The following MCC variants were observed in gnomAD, a reference collection of about 807,000 sequenced individuals.
The protein encoded by MCC is MCC regulator of Wnt signaling pathway.
MCC carries 90 observed loss-of-function variants against 116.2 expected under a neutral mutation model. That is an observed-to-expected ratio of 0.77 (90% CI 0.65 to 0.92). The LOEUF (loss-of-function observed/expected upper bound fraction) is 0.92. Among genes scored for constraint, MCC ranks in the 40% least tolerant of loss-of-function variants. The pLI is 0.00. For missense variants in MCC, 1,516 were observed against 1,312.2 expected, an observed-to-expected ratio of 1.16 and a Z score of -2.40; for synonymous variants, 578 against 510.5, an observed-to-expected ratio of 1.13 and a Z score of -1.78.
chr5:113,365,912 T>G (rs548023718), intron 2 of MCC, among the ~76,000 whole-genome samples: 1 of 152,326 alleles, frequency 6.6e-6, no homozygotes, highest in South Asian at 2.1e-4. Flanking sequence ...TTGGGGATGG[T>G]GCTAAATCAC....
chr5:113,142,719 A>G (rs916081783), intron 5 of MCC, among the ~76,000 whole-genome samples: 23 of 152,216 alleles, frequency 1.5e-4, no homozygotes, highest in Non-Finnish European at 3.1e-4. Flanking sequence ...GGTAAGCTCA[A>G]AATATAATCA....
Position 113,153,525 on chromosome 5 carries a change from C to A in MCC, c.628-2103G>T, listed in dbSNP as rs186667605. On this transcript the variant is annotated intron_variant, in intron 3 of 18. Coordinates refer to ENST00000408903, the MANE Select transcript of MCC (RefSeq NM_001085377.2). ...CAGCTCTCCAGATTTCCAGGAAGAG[C>A]TGTCAGATGCCCAAGGGGGCAGGTC... is the stretch of plus-strand genomic sequence containing the variant. 2.0e-5 allele frequency among the ~76,000 whole-genome samples: 3 copies of A among 152,328 alleles called. No individual in the cohort carries two copies. In the East Asian group the frequency reaches 5.8e-4, roughly 29 times the overall value.
At chr5:113,407,521 G>C (rs935942291) in intron 1 of MCC, among the ~76,000 whole-genome samples, 2 of 152,276 alleles carry the variant, frequency 1.3e-5, no homozygotes, top group Middle Eastern at 3.4e-3. Flanking sequence ...CTCCCCTACA[G>C]CAGGCTCCAC....
chr5:113,032,001 T>C (rs994734865), intron 17 of MCC, among the ~76,000 whole-genome samples: 10 of 152,240 alleles, frequency 6.6e-5, no homozygotes, highest in African/African-American at 2.4e-4. Context: ...GATGCTCATT[T>C]ATTTAAAGAT....
At chr5:113,061,676 G>T (rs1410427956) in intron 14 of MCC, among the ~76,000 whole-genome samples, 1 of 152,182 alleles carries the variant, frequency 6.6e-6, no homozygotes, top group Non-Finnish European at 1.5e-5. Context: ...GTCGTTAGGA[G>T]CTGCCTATGG....
At chr5:113,028,866 C>A in intron 18 of MCC, 68 bp downstream of exon 18, 1 of 1,556,934 alleles carries the variant, frequency 6.4e-7, no homozygotes, top group Non-Finnish European at 8.8e-7. Context: ...GCTGTGTCTA[C>A]ATGCAGGGTG....
At position 113,146,148 on chromosome 5, in the gene MCC, T is replaced by C. The variant is rs187475913; in HGVS notation, c.742-2788A>G. ...AAAAATAGCATACAATGTAGTACTA[T>C]AATGTAATACTTCCTCTACACAGAT... On this transcript the variant is annotated intron_variant, in intron 4 of 18. Transcript: ENST00000408903. Among the ~76,000 whole-genome samples the C allele has an allele frequency of 3.2e-4, 49 of 152,312 alleles. 1 individual carries two copies. Among genetic ancestry groups the C allele is most frequent in the Non-Finnish European group, 6.8e-4 (46 of 68,030 alleles).
chr5:113,327,495 G>A (rs557530561), intron 3 of MCC, among the ~76,000 whole-genome samples: 50 of 143,204 alleles, frequency 3.5e-4, no homozygotes, highest in Admixed American at 1.1e-3. Flanking sequence ...GCAGTGAGCC[G>A]AGGTCGTGCT....
intron 3 of MCC, among the ~76,000 whole-genome samples, chr5:113,303,177 T>C (rs369375929): frequency 2.6e-5 from 4 of 152,210 alleles, no homozygotes; most frequent in African/African-American, 7.2e-5. Context: ...GTTGCATATA[T>C]GCATCTTGGG....
intron 4 of MCC, 58 bp downstream of exon 4, chr5:113,151,251 G>T: frequency 2.0e-6 from 2 of 1,017,442 alleles, no homozygotes; most frequent in South Asian, 1.5e-5. Context: ...TTTATCTTAA[G>T]ATTAAATATT....
rs143857562 is a variant in MCC at position 113,040,267 on chromosome 5, G to C, written c.2756+3263C>G. On this transcript the variant is annotated intron_variant, in intron 17 of 18. Coordinates refer to ENST00000408903, the MANE Select transcript of MCC (RefSeq NM_001085377.2). ...GAGAGAGCCAGGGCTGAGTGACAAG[G>C]GCTGGCCAGGTAAGGGGAGGTTGGG... 9.1e-3 allele frequency among the ~76,000 whole-genome samples: 1,385 copies of C among 152,072 alleles called. 8 individuals are homozygous for C. Among genetic ancestry groups the C allele is most frequent in the Middle Eastern group, 0.017 (5 of 294 alleles).
At chr5:113,374,698 A>T (rs1768938623) in intron 2 of MCC, among the ~76,000 whole-genome samples, 1 of 152,160 alleles carries the variant, frequency 6.6e-6, no homozygotes, top group Non-Finnish European at 1.5e-5. Context: ...GCTTGAGAAG[A>T]TGCACCATGT....
chr5:113,479,823 C>T (rs970518730), intron 1 of MCC, among the ~76,000 whole-genome samples: 6 of 152,054 alleles, frequency 3.9e-5, no homozygotes, highest in African/African-American at 1.4e-4. Context: ...AGCTTTGAGG[C>T]TTTCAGTGCT....
In MCC at chr5:113,208,118, G is replaced by A. The variant is rs999539501; in HGVS notation, c.628-56696C>T. 7.2e-5 allele frequency among the ~76,000 whole-genome samples: 11 copies of A among 152,102 alleles called. No individual in the cohort carries two copies. The South Asian group carries it at 1.0e-3, about 14-fold the overall frequency. Reference sequence around the variant, plus strand: ...CTCAACTGACCTGGTAGCCAAATGAGCCAATCTGGATAAAGCAGAGATATA... The same window carrying A: ...CTCAACTGACCTGGTAGCCAAATGAACCAATCTGGATAAAGCAGAGATATA... On this transcript the variant is annotated intron_variant, in intron 3 of 18. Transcript: ENST00000408903.
intron 1 of MCC, among the ~76,000 whole-genome samples, chr5:113,444,022 T>TGTGTGTGTGTG (rs1554084179): frequency 3.3e-5 from 5 of 151,538 alleles, no homozygotes; most frequent in East Asian, 1.9e-4. Flanking sequence ...TGTGTGTGTG[T>TGTGTGTGTGTG]TTAGTAGAGA....
At chr5:113,065,486 C>A (rs911658064) in intron 13 of MCC, among the ~76,000 whole-genome samples, 1 of 152,114 alleles carries the variant, frequency 6.6e-6, no homozygotes, top group African/African-American at 2.4e-5. Flanking sequence ...AATCTTACAC[C>A]AAATCATAGA....
chr5:113,082,964 G>T lies in MCC; in HGVS notation c.1680C>A (p.Asp560Glu). Residue 560 changes from aspartate to glutamate, a missense_variant, in exon 11 of 19, where the codon GAC (aspartate) becomes GAA (glutamate). Transcript: ENST00000408903. ...GGAAAATCTCTTGGATATTGGAGCA[G>T]TCCTGAAGTGAGTGGGCCAGGTGTT... ...VAEHLAHSLQ[D>E]CSNIQEIFQT... 1.2e-6 allele frequency: 2 copies of T among 1,614,166 alleles called. No homozygotes were observed. The highest frequency in any genetic ancestry group is 1.7e-6 in the Non-Finnish European group (2 of 1,180,020).
At chr5:113,355,281 G>C (rs1025455576) in intron 2 of MCC, among the ~76,000 whole-genome samples, 3 of 152,112 alleles carry the variant, frequency 2.0e-5, no homozygotes, top group Non-Finnish European at 4.4e-5. Flanking sequence ...TCTTGGGTTT[G>C]GGAATTTGCC....
intron 6 of MCC, among the ~76,000 whole-genome samples, chr5:113,118,741 G>GA (rs1353814965): frequency 6.6e-6 from 1 of 152,110 alleles, no homozygotes; most frequent in African/African-American, 2.4e-5. Flanking sequence ...TTTTCCTGTT[G>GA]AAAAAATTTA....
Sources: gnomAD v4.1 joint callset for allele counts (sites outside exome capture counted in the v4.1 genomes callset) on GRCh38, gnomAD v4.1.1 for gene constraint, MANE v1.5 for transcripts, NCBI Gene and HGNC (gene_info 2026-07-23, HGNC 2026-07-21) for gene names.